The following SMARCC1 variants were observed in gnomAD, a reference collection of about 807,000 sequenced individuals.
SMARCC1 encodes SWI/SNF related BAF chromatin remodeling complex subunit C1.
In SMARCC1, 43 loss-of-function variants were observed where a neutral mutation model predicts 147.4. That is an observed-to-expected ratio of 0.29 (90% CI 0.23 to 0.38). SMARCC1 has a LOEUF of 0.38. Among genes scored for constraint, SMARCC1 ranks in the 10% least tolerant of loss-of-function variants. The pLI, the probability that SMARCC1 is intolerant of heterozygous loss-of-function variation, is 1.00. For missense variants in SMARCC1, 1,119 were observed against 1,381.1 expected, an observed-to-expected ratio of 0.81 and a Z score of 3.01; for synonymous variants, 495 against 484.4, an observed-to-expected ratio of 1.02 and a Z score of -0.29.
chr3:47,729,510 T>C (rs1005821645), intron 5 of SMARCC1, among the ~76,000 whole-genome samples: 1 of 152,150 alleles, frequency 6.6e-6, no homozygotes, highest in Admixed American at 6.5e-5. Context: ...CTCAGCCTCC[T>C]GAGTAGCTGG....
intron 21 of SMARCC1, among the ~76,000 whole-genome samples, chr3:47,655,244 A>C (rs1263852296): frequency 6.6e-6 from 1 of 152,206 alleles, no homozygotes; most frequent in Non-Finnish European, 1.5e-5. Flanking sequence ...TAAATGAAAA[A>C]GACAATAGCC....
At chr3:47,680,972 A>G (rs559930184) in intron 14 of SMARCC1, among the ~76,000 whole-genome samples, 1 of 152,368 alleles carries the variant, frequency 6.6e-6, no homozygotes, top group East Asian at 1.9e-4. Flanking sequence ...ACAGCATACA[A>G]AAAAGTTAAG....
intron 18 of SMARCC1, among the ~76,000 whole-genome samples, chr3:47,671,196 A>AAAAAAAAAAAAAAAAAAAAAAAAAAAAAC (rs753672169): frequency 2.3e-4 from 19 of 81,192 alleles, no homozygotes; most frequent in Admixed American, 3.5e-4. Context: ...AAAAAAAAAA[A>AAAAAAAAAAAAAAAAAAAAAAAAAAAAAC]AACACACACA....
chr3:47,735,278 T>C (rs1393799596), intron 5 of SMARCC1, among the ~76,000 whole-genome samples: 2 of 152,080 alleles, frequency 1.3e-5, no homozygotes, highest in African/African-American at 2.4e-5. Context: ...AACGACTCCA[T>C]AGCAATGACT....
intron 3 of SMARCC1, among the ~76,000 whole-genome samples, chr3:47,743,796 G>C (rs984483423): frequency 7.4e-5 from 11 of 148,816 alleles, no homozygotes; most frequent in Non-Finnish European, 1.6e-4. Flanking sequence ...CTGGGTGACA[G>C]AGCGAGACTA....
chr3:47,623,821 G>A (rs1262940700), intron 24 of SMARCC1, among the ~76,000 whole-genome samples: 2 of 151,258 alleles, frequency 1.3e-5, no homozygotes, highest in African/African-American at 4.9e-5. Flanking sequence ...ATCAATTTCT[G>A]GTCTATTTTT....
chr3:47,645,297 CAAA>C (rs768500597), intron 21 of SMARCC1, among the ~76,000 whole-genome samples: 2 of 107,260 alleles, frequency 1.9e-5, no homozygotes, highest in African/African-American at 3.5e-5. Flanking sequence ...TCCCCCCCAC[CAAA>C]AAAAAAAAAA....
intron 3 of SMARCC1, among the ~76,000 whole-genome samples, chr3:47,743,192 A>AT (rs1215397358): frequency 6.6e-6 from 1 of 152,230 alleles, no homozygotes; most frequent in Non-Finnish European, 1.5e-5. Flanking sequence ...ACAGGTCAGT[A>AT]TTCAGATATC....
At chr3:47,685,324 G>A (rs1012478604) in intron 14 of SMARCC1, among the ~76,000 whole-genome samples, 9 of 152,028 alleles carry the variant, frequency 5.9e-5, no homozygotes, top group African/African-American at 1.7e-4. Flanking sequence ...AACACACAAC[G>A]GAAAATTATG....
At chr3:47,675,323 C>T in intron 18 of SMARCC1, 152 bp downstream of exon 18, 3 of 423,448 alleles carry the variant, frequency 7.1e-6, no homozygotes, top group Non-Finnish European at 8.5e-6. Flanking sequence ...TTTAAAATAC[C>T]TATCTACTAA....
chr3:47,652,821 T>A lies in SMARCC1; in HGVS notation c.2320+8473A>T, dbSNP rs567995238. The stretch of plus-strand genomic sequence containing the variant: ...ATTAATAGTTCTTGGTGAGTGACCA[T>A]AGTTAAAAAGATGGACTGAAGAAGA... On this transcript the variant is annotated intron_variant, in intron 21 of 27. Coordinates refer to ENST00000254480, the MANE Select transcript of SMARCC1 (RefSeq NM_003074.4). 5.3e-5 allele frequency among the ~76,000 whole-genome samples: 8 copies of A among 152,216 alleles called. No individual in the cohort carries two copies. In the South Asian group the frequency reaches 1.7e-3, roughly 32 times the overall value.
intron 1 of SMARCC1, among the ~76,000 whole-genome samples, chr3:47,778,072 T>C (rs1314917177): frequency 6.6e-6 from 1 of 150,434 alleles, no homozygotes; most frequent in Admixed American, 6.7e-5. Flanking sequence ...CAGAGCGTGG[T>C]GGCGGGTGCC....
At chr3:47,689,255 C>CTA in intron 13 of SMARCC1, 132 bp downstream of exon 13, 1 of 666,626 alleles carries the variant, frequency 1.5e-6, no homozygotes, top group South Asian at 1.8e-5. Flanking sequence ...AAACTAAAAA[C>CTA]AAAAAAAAAT....
chr3:47,720,794 T>G, intron 6 of SMARCC1, 59 bp from the exon 7 acceptor site: 5 of 1,244,736 alleles, frequency 4.0e-6, no homozygotes, highest in Non-Finnish European at 5.8e-6. Context: ...GAAACTATGA[T>G]TTTTAGCCTT....
intron 21 of SMARCC1, among the ~76,000 whole-genome samples, chr3:47,650,005 G>C (rs1344507951): frequency 1.3e-5 from 2 of 152,148 alleles, no homozygotes; most frequent in Non-Finnish European, 2.9e-5. Context: ...GGCCGGGCTT[G>C]GTGGCTCACG....
At chr3:47,749,736 C>G (rs375267816) in intron 2 of SMARCC1, among the ~76,000 whole-genome samples, 91 of 110,804 alleles carry the variant, frequency 8.2e-4, no homozygotes, top group South Asian at 1.8e-3. Context: ...GAGAAAGAGA[C>G]AGAGAGAGAG....
At position 47,680,486 on chromosome 3, in the gene SMARCC1, C is replaced by T; in HGVS notation, c.1408G>A (p.Ala470Thr). Residue 470 changes from alanine (A) to threonine (T), a missense_variant, in exon 15 of 28, where the codon GCT becomes ACT. Transcript: ENST00000254480. ...YNCIHVIERR[A>T]LPEFFNGKNK... ...TTTCCATTGAAGAACTCAGGAAGAGCACGCCGTTCAATCACATGAATACTG... is the reference window on the plus strand; with the variant it reads ...TTTCCATTGAAGAACTCAGGAAGAGTACGCCGTTCAATCACATGAATACTG... 2 of 1,607,422 alleles carry T rather than the reference C, an allele frequency of 1.2e-6. No homozygotes were observed. Among genetic ancestry groups the T allele is most frequent in the Non-Finnish European group, 1.7e-6 (2 of 1,177,010 alleles).
chr3:47,754,136 G>A lies in SMARCC1; in HGVS notation c.316-8143C>T, dbSNP rs115719674. Among the ~76,000 whole-genome samples, 848 of 151,904 alleles carry A rather than the reference G, an allele frequency of 5.6e-3. 5 individuals carry two copies. The highest frequency in any genetic ancestry group is 0.016 in the South Asian group (78 of 4,816). The stretch of plus-strand genomic sequence containing the variant: ...AGTATTAGCATTGACACCAATCACT[G>A]AGAATTTATCATGAAGCACTTTTGA... On this transcript the variant is annotated intron_variant, in intron 2 of 27. Coordinates refer to ENST00000254480, the MANE Select transcript of SMARCC1 (RefSeq NM_003074.4).
chr3:47,718,274 A>T (rs911712072), intron 7 of SMARCC1, among the ~76,000 whole-genome samples: 2 of 151,804 alleles, frequency 1.3e-5, no homozygotes, highest in Non-Finnish European at 2.9e-5. Context: ...GCAAAATCTC[A>T]TCTCTACTAA....
Sources: gnomAD v4.1 joint callset for allele counts (sites outside exome capture counted in the v4.1 genomes callset) on GRCh38, gnomAD v4.1.1 for gene constraint, MANE v1.5 for transcripts, NCBI Gene and HGNC (gene_info 2026-07-23, HGNC 2026-07-21) for gene names.